Variants in COA1 observed in about 807,000 individuals in gnomAD.
COA1 encodes cytochrome c oxidase assembly factor 1 homolog.
Under a neutral mutation model 16.0 loss-of-function variants are expected in COA1, and 13 were observed. The ratio of observed to expected loss-of-function variants is 0.81; its 90% CI spans 0.53 to 1.29. The LOEUF (loss-of-function observed/expected upper bound fraction) is 1.29, where lower values mean the gene tolerates loss of function less well. COA1 is among the 50% of genes most tolerant of loss of function. The pLI is 0.00. For missense variants in COA1, 179 were observed against 177.0 expected, an observed-to-expected ratio of 1.01 and a Z score of -0.06; for synonymous variants, 65 against 65.7, an observed-to-expected ratio of 0.99 and a Z score of 0.05.
rs541756102 is a variant in COA1, at chr7:43,653,005, A to T, written c.-38-4353T>A. Among the ~76,000 whole-genome samples the T allele has an allele frequency of 3.0e-4, 46 of 152,354 alleles. 1 individual carries two copies. Among genetic ancestry groups the T allele is most frequent in the Middle Eastern group, 3.4e-3 (1 of 294 alleles). On this transcript the variant is annotated intron_variant, in intron 1 of 5. Transcript: ENST00000223336. Reference sequence around the variant, plus strand: ...AAACAAAATCCAAAAGGCCAAAAATAAAGATTAAAACTTTGGCATTTAAGA... The same window carrying T: ...AAACAAAATCCAAAAGGCCAAAAATTAAGATTAAAACTTTGGCATTTAAGA...
At chr7:43,647,862 T>C (rs1452121955) in intron 2 of COA1, 1 of 535,700 alleles carries the variant, frequency 1.9e-6, no homozygotes, top group Non-Finnish European at 3.3e-6. Context: ...GGACCCATGC[T>C]GTGGGGGCCC....
chr7:43,609,058 G>GT (rs2152973844), exon 7 of COA1: 1 of 152,382 alleles, frequency 6.6e-6, no homozygotes, highest in Non-Finnish European at 1.5e-5. Flanking sequence ...TGAAACCAGG[G>GT]TAAGCAAAAC....
At chr7:43,691,408 GAAGGAAGAAAGAAA>G (rs2094338208) in intron 1 of COA1, among the ~76,000 whole-genome samples, 2 of 99,230 alleles carry the variant, frequency 2.0e-5, no homozygotes, top group African/African-American at 3.9e-5. Context: ...AGGAAGGAAG[GAAGGAAGAAAGAAA>G]AAGAAAGAAA....
At chr7:43,666,562 T>C (rs1442122213) in intron 1 of COA1, among the ~76,000 whole-genome samples, 1 of 152,246 alleles carries the variant, frequency 6.6e-6, no homozygotes, top group Non-Finnish European at 1.5e-5. Context: ...AAATATTTTT[T>C]AGTTCACATG....
chr7:43,719,005 T>C (rs2095451729), intron 1 of COA1, among the ~76,000 whole-genome samples: 1 of 149,584 alleles, frequency 6.7e-6, no homozygotes, highest in African/African-American at 2.5e-5. Flanking sequence ...GGAGTCTCAC[T>C]CTGTCACCCA....
chr7:43,608,619 A>G (rs1269583562), exon 7 of COA1: 1 of 397,512 alleles, frequency 2.5e-6, no homozygotes, highest in African/African-American at 2.1e-5. Context: ...ACAATGCCAA[A>G]GAAAGGAACT....
intron 1 of COA1, among the ~76,000 whole-genome samples, chr7:43,700,565 T>C (rs2094692651): frequency 6.8e-6 from 1 of 146,072 alleles, no homozygotes; most frequent in South Asian, 2.2e-4. Context: ...CGTATATATA[T>C]GTACACATAT....
intron 1 of COA1, among the ~76,000 whole-genome samples, chr7:43,663,817 A>G (rs1179148973): frequency 6.6e-6 from 1 of 152,084 alleles, no homozygotes; most frequent in Non-Finnish European, 1.5e-5. Flanking sequence ...CCTCATTTAA[A>G]TGGAATCATT....
At chr7:43,713,375 A>G (rs1035766069) in intron 1 of COA1, among the ~76,000 whole-genome samples, 4 of 152,192 alleles carry the variant, frequency 2.6e-5, no homozygotes, top group African/African-American at 7.2e-5. Flanking sequence ...ATTTTGCTAC[A>G]ATACCTTACT....
chr7:43,608,556 G>C, exon 7 of COA1: 1 of 779,040 alleles, frequency 1.3e-6, no homozygotes, highest in Non-Finnish European at 2.0e-6. Flanking sequence ...TAGCCAGTTA[G>C]TTTTATCAGG....
intron 1 of COA1, among the ~76,000 whole-genome samples, chr7:43,655,478 C>T (rs1201464577): frequency 3.9e-5 from 6 of 152,098 alleles, no homozygotes; most frequent in African/African-American, 1.4e-4. Flanking sequence ...TGGTGAAACC[C>T]CCATCTCTAC....
intron 4 of COA1, chr7:43,641,369 G>A (rs1423142151): frequency 2.7e-5 from 4 of 147,218 alleles, no homozygotes; most frequent in Non-Finnish European, 4.5e-5. Flanking sequence ...TCTACTTAAT[G>A]ATATATGTGC....
intron 6 of COA1, chr7:43,619,604 A>G: frequency 1.2e-6 from 2 of 1,613,366 alleles, no homozygotes; most frequent in Non-Finnish European, 1.7e-6. Flanking sequence ...TAGCCTCAGA[A>G]TATTCTGTTG....
chr7:43,702,196 G>C (rs1391962317), intron 1 of COA1, among the ~76,000 whole-genome samples: 1 of 151,968 alleles, frequency 6.6e-6, no homozygotes, highest in Admixed American at 6.6e-5. Flanking sequence ...CGACATAACT[G>C]TCCTAGGTAT....
At chr7:43,628,958 C>T (rs572687363) in intron 6 of COA1, among the ~76,000 whole-genome samples, 1 of 152,308 alleles carries the variant, frequency 6.6e-6, no homozygotes, top group South Asian at 2.1e-4. Flanking sequence ...TGAAGATACT[C>T]TTATTTTTCT....
intron 1 of COA1, among the ~76,000 whole-genome samples, chr7:43,705,306 T>C (rs1039210984): frequency 1.3e-5 from 2 of 152,208 alleles, no homozygotes; most frequent in Non-Finnish European, 2.9e-5. Context: ...GGGGAAGCTG[T>C]GGGCAAATGC....
downstream of COA1, among the ~76,000 whole-genome samples, chr7:43,636,401 C>G (rs1013072158): frequency 7.9e-5 from 12 of 152,178 alleles, no homozygotes; most frequent in Non-Finnish European, 1.3e-4. Flanking sequence ...TCCCAATGAG[C>G]AGTATAAACA....
At chr7:43,662,055 T>C (rs2092482559) in intron 1 of COA1, among the ~76,000 whole-genome samples, 1 of 152,240 alleles carries the variant, frequency 6.6e-6, no homozygotes, top group Non-Finnish European at 1.5e-5. Flanking sequence ...GGTTTACTGA[T>C]CAGCCTTCAG....
At chr7:43,691,457 G>T (rs1389034346) in intron 1 of COA1, among the ~76,000 whole-genome samples, 2 of 146,956 alleles carry the variant, frequency 1.4e-5, no homozygotes, top group Admixed American at 6.6e-5. Flanking sequence ...AAGAAAGAAA[G>T]AAAGAAAGAA....
Sources: allele counts gnomAD v4.1 joint callset (sites outside exome capture counted in the v4.1 genomes callset), GRCh38; gene constraint gnomAD v4.1.1; transcripts MANE v1.5; gene names NCBI Gene and HGNC (gene_info 2026-07-23, HGNC 2026-07-21).